SERPINB7: variants seen among roughly 807,000 people sequenced by gnomAD.
SERPINB7 encodes the protein serpin B7.
A neutral mutation model predicts 37.4 loss-of-function variants in SERPINB7; 31 were observed. The observed-to-expected ratio is 0.83, with a 90% CI of 0.62 to 1.12. SERPINB7 has a LOEUF of 1.12. Ranked by LOEUF, SERPINB7 falls within the 50% of genes most tolerant of loss-of-function variation. The pLI, the probability that SERPINB7 is intolerant of heterozygous loss-of-function variation, is 0.00. For missense variants in SERPINB7, 521 were observed against 455.3 expected (o/e 1.14, Z -1.31); for synonymous variants, 163 against 166.1 (o/e 0.98, Z 0.14).
At chr18:63,754,651 A>C (rs940345249) in intron 1 of SERPINB7, among the ~76,000 whole-genome samples, 1 of 152,126 alleles carries the variant, frequency 6.6e-6, no homozygotes, top group Non-Finnish European at 1.5e-5. Flanking sequence ...TCCACCCAGC[A>C]GACCTTGCTA....
intron 1 of SERPINB7, among the ~76,000 whole-genome samples, chr18:63,763,901 A>C (rs941540150): frequency 6.6e-6 from 1 of 152,216 alleles, no homozygotes; most frequent in Non-Finnish European, 1.5e-5. Flanking sequence ...TGAGAATTCC[A>C]TGACTTGGGA....
chr18:63,795,070 G>A (rs1399019075), intron 4 of SERPINB7, among the ~76,000 whole-genome samples: 2 of 152,160 alleles, frequency 1.3e-5, no homozygotes, highest in East Asian at 3.8e-4. Context: ...ATTAAGAACA[G>A]CAAGTATTTC....
In SERPINB7 at chr18:63,804,600, A is replaced by G; in HGVS notation, c.1108A>G (p.Ile370Val). 1 of 1,613,134 alleles carries G rather than the reference A, an allele frequency of 6.2e-7. No individual in the cohort carries two copies. The highest frequency in any genetic ancestry group is 1.3e-5 in the African/African-American group (1 of 75,014). The change falls in exon 8 of 8, where the codon ATC becomes GTC. Residue 370 changes from isoleucine (I) to valine (V), a missense_variant. Physicochemically the swap from Ile to Val is conservative, Grantham distance 29 (BLOSUM62 3). Transcript: ENST00000398019. ...PFLFVIRKDD[I>V]ILFSGKVSCP ...CCTATTTGTTATCAGGAAGGATGACATCATCTTATTCAGTGGCAAAGTTTC... is the reference window on the plus strand; with the variant it reads ...CCTATTTGTTATCAGGAAGGATGACGTCATCTTATTCAGTGGCAAAGTTTC...
chr18:63,782,659 C>T (rs2049313035), intron 2 of SERPINB7, 119 bp downstream of exon 2: 1 of 909,678 alleles, frequency 1.1e-6, no homozygotes. Context: ...GTCACATCTT[C>T]ACACATCTCC....
In SERPINB7 at chr18:63,804,695, A is replaced by G. The variant is rs2049589590; in HGVS notation, c.*60A>G. The G allele has an allele frequency of 6.8e-7, 1 of 1,475,012 alleles. No individual in the cohort carries two copies. The highest frequency in any genetic ancestry group is 1.4e-5 in the African/African-American group (1 of 70,614). 91.4% of individuals were successfully genotyped at this position (1,475,012 alleles called of 1,614,324 possible). A position where few individuals can be genotyped will look rare whatever the true frequency, so the allele number is the denominator to read the frequency against. On this transcript the variant is annotated 3_prime_UTR_variant, in exon 8 of 8. Coordinates refer to ENST00000398019, the MANE Select transcript of SERPINB7 (RefSeq NM_003784.4). ...AACATCAAAGAACCACCACAAGTCA[A>G]TAGATTTGAGTTTAATTGGAAAAAT... is the stretch of plus-strand genomic sequence containing the variant.
intron 1 of SERPINB7, among the ~76,000 whole-genome samples, chr18:63,753,773 G>C (rs1011800424): frequency 6.6e-6 from 1 of 152,134 alleles, no homozygotes; most frequent in Non-Finnish European, 1.5e-5. Flanking sequence ...TGAGAGGTTT[G>C]AGGTTTCAAA....
intron 3 of SERPINB7, 126 bp from the exon 4 acceptor site, chr18:63,793,035 C>A (rs2049445511): frequency 2.2e-6 from 1 of 454,246 alleles, no homozygotes; most frequent in African/African-American, 2.0e-5. Flanking sequence ...GCCTTGTTTG[C>A]CATTTTTATA....
chr18:63,792,290 G>A, intron 2 of SERPINB7, 103 bp from the exon 3 acceptor site: 1 of 808,264 alleles, frequency 1.2e-6, no homozygotes, highest in East Asian at 2.6e-5. Context: ...ATGGCAATTA[G>A]ACACATTTAT....
chr18:63,776,415 T>G lies in SERPINB7; in HGVS notation c.-19+699T>G, dbSNP rs554493359. 2.0e-5 allele frequency among the ~76,000 whole-genome samples: 3 copies of G among 152,068 alleles called. No homozygotes were observed. The South Asian group carries it at 6.2e-4, about 32-fold the overall frequency. On this transcript the variant is annotated intron_variant, in intron 1 of 7. Transcript: ENST00000398019. Reference sequence around the variant, plus strand: ...AGTTTTGTCTGGTTTGATCTTTTCATGAAGGGCATCTTACTGTGTGTATTC... The same window carrying G: ...AGTTTTGTCTGGTTTGATCTTTTCAGGAAGGGCATCTTACTGTGTGTATTC...
chr18:63,801,547 G>T (rs893976098), intron 7 of SERPINB7, among the ~76,000 whole-genome samples: 26 of 152,170 alleles, frequency 1.7e-4, no homozygotes, highest in African/African-American at 6.3e-4. Flanking sequence ...GGGAGATGAA[G>T]TCACTACTAC....
intron 1 of SERPINB7, chr18:63,777,895 C>CAG (rs898361277): frequency 6.8e-6 from 1 of 148,026 alleles, no homozygotes; most frequent in African/African-American, 2.6e-5. Flanking sequence ...CACACACACA[C>CAG]ACACACACAC....
intron 2 of SERPINB7, among the ~76,000 whole-genome samples, chr18:63,789,638 C>A (rs1193583825): frequency 6.6e-6 from 1 of 152,122 alleles, no homozygotes; most frequent in African/African-American, 2.4e-5. Context: ...TCTCTGAATT[C>A]TTTCTCTCAA....
intron 7 of SERPINB7, among the ~76,000 whole-genome samples, chr18:63,803,894 C>A (rs946830282): frequency 6.6e-6 from 1 of 152,126 alleles, no homozygotes; most frequent in African/African-American, 2.4e-5. Flanking sequence ...CCACTGGGCT[C>A]CTTTCTCCCT....
intron 1 of SERPINB7, among the ~76,000 whole-genome samples, chr18:63,761,673 G>A (rs149651542): frequency 0.017 from 2,599 of 152,212 alleles, 27 homozygotes; most frequent in Middle Eastern, 0.027. Context: ...TGCTATTCTC[G>A]TGATAGTGAA....
Position 63,798,587 on chromosome 18 carries a change from A to C in SERPINB7, c.455-17A>C. 6.6e-7 allele frequency: 1 copy of C among 1,515,570 alleles called. No homozygotes were observed. Among genetic ancestry groups the C allele is most frequent in the Non-Finnish European group, 8.8e-7 (1 of 1,139,856 alleles). The allele number at this position is 1,515,570 out of a possible 1,614,324, so 93.9% of individuals were successfully genotyped here. A position where few individuals can be genotyped will look rare whatever the true frequency, so the allele number is the denominator to read the frequency against. On this transcript the variant is annotated splice_polypyrimidine_tract_variant and intron_variant, in intron 5 of 7. Transcript: ENST00000398019. ...ATATTAAAATAAACATTTTTCCCTC[A>C]ATTTTTTTTTCAAAAGGCAAAATCA...
At chr18:63,784,756 A>G (rs1393138524) in intron 2 of SERPINB7, among the ~76,000 whole-genome samples, 1 of 152,230 alleles carries the variant, frequency 6.6e-6, no homozygotes, top group Admixed American at 6.5e-5. Flanking sequence ...AAATAAAGAA[A>G]AAAACCTTAC....
Position 63,794,110 on chromosome 18 carries a change from A to ATTTTT in SERPINB7, c.336+852_336+856dup, listed in dbSNP as rs34450022. 2.8e-3 allele frequency among the ~76,000 whole-genome samples: 296 copies of ATTTTT among 105,536 alleles called. 2 individuals carry two copies. Among genetic ancestry groups the ATTTTT allele is most frequent in the African/African-American group, 4.4e-3 (116 of 26,362 alleles). The allele number at this position is 105,536 out of a possible 152,430, so 69.2% of individuals were successfully genotyped here. On this transcript the variant is annotated intron_variant, in intron 4 of 7. Coordinates refer to ENST00000398019, the MANE Select transcript of SERPINB7 (RefSeq NM_003784.4). Reference sequence around the variant, plus strand: ...AGGCACGTGCCACCACATCCTGCTAATTTTTTTTTTTTTTTTTTTTTTTGT... The same window carrying ATTTTT: ...AGGCACGTGCCACCACATCCTGCTAATTTTTTTTTTTTTTTTTTTTTTTTTTTTGT...
intron 1 of SERPINB7, among the ~76,000 whole-genome samples, chr18:63,779,183 C>T (rs1177282980): frequency 6.6e-6 from 1 of 151,988 alleles, no homozygotes; most frequent in East Asian, 1.9e-4. Context: ...CTGTTGGTGG[C>T]TTGCCTGAAC....
At chr18:63,772,838 A>G (rs763578527), upstream of SERPINB7, among the ~76,000 whole-genome samples, 1 of 152,146 alleles carries the variant, frequency 6.6e-6, no homozygotes, top group Admixed American at 6.6e-5. Flanking sequence ...GAAACCAACA[A>G]GGCCTCCTGC....
Sources: allele counts gnomAD v4.1 joint callset (sites outside exome capture counted in the v4.1 genomes callset), GRCh38; gene constraint gnomAD v4.1.1; transcripts MANE v1.5; gene names NCBI Gene and HGNC (gene_info 2026-07-23, HGNC 2026-07-21).